FANCA: variants seen among roughly 807,000 people sequenced by gnomAD.
FANCA encodes FA complementation group A, also known as Fanconi anemia group A protein.
Under a neutral mutation model 194.3 loss-of-function variants are expected in FANCA, and 236 were observed. The ratio of observed to expected loss-of-function variants is 1.21; its 90% CI spans 1.09 to 1.35. The LOEUF (loss-of-function observed/expected upper bound fraction) is 1.35, where lower values mean the gene tolerates loss of function less well. Ranked by LOEUF, FANCA falls within the 40% of genes most tolerant of loss-of-function variation. FANCA has a pLI of 0.00. For missense variants in FANCA, 2,628 were observed against 1,813.9 expected (o/e 1.45, Z -8.15); for synonymous variants, 1,014 against 715.8 (o/e 1.42, Z -6.65).
chr16:89,811,193 G>A (rs1010543680), intron 3 of FANCA, 122 bp from the exon 4 acceptor site: 37 of 1,196,776 alleles, frequency 3.1e-5, no homozygotes, highest in Non-Finnish European at 1.8e-5. Context: ...CCTTTTAAAC[G>A]GGGAGAATAG....
intron 17 of FANCA, among the ~76,000 whole-genome samples, chr16:89,781,722 GGC>G: frequency 6.7e-6 from 1 of 148,576 alleles, no homozygotes; most frequent in East Asian, 2.0e-4. Context: ...TCATTAGGCC[GGC>G]CATGGTGGCT....
Position 89,737,781 on chromosome 16 carries a change from G to C in FANCA, c.*820C>G, listed in dbSNP as rs200396402. 3 of 1,614,008 alleles carry C rather than the reference G, an allele frequency of 1.9e-6. No individual in the cohort carries two copies. Among genetic ancestry groups the C allele is most frequent in the African/African-American group, 1.3e-5 (1 of 75,034 alleles). Reference sequence around the variant, plus strand: ...GGGAGGTTGGAGCATCAGGGGCCTGGACTCACTGGACTCTCCCCTCTCAGA... The same window carrying C: ...GGGAGGTTGGAGCATCAGGGGCCTGCACTCACTGGACTCTCCCCTCTCAGA... On this transcript the variant is annotated 3_prime_UTR_variant, in exon 43 of 43. Coordinates refer to ENST00000389301, the MANE Select transcript of FANCA (RefSeq NM_000135.4).
chr16:89,760,050 C>T (rs2038900761), intron 29 of FANCA, among the ~76,000 whole-genome samples: 2 of 152,268 alleles, frequency 1.3e-5, no homozygotes, highest in South Asian at 4.1e-4. Flanking sequence ...CTGTCTGGAA[C>T]TGGCACAGAA....
intron 20 of FANCA, among the ~76,000 whole-genome samples, chr16:89,776,270 C>G (rs1472445424): frequency 6.8e-6 from 1 of 147,710 alleles, no homozygotes; most frequent in Non-Finnish European, 1.5e-5. Flanking sequence ...CAGGTTCAAG[C>G]AATTCTCCTG....
At chr16:89,806,208 T>C (rs907212207) in intron 6 of FANCA, among the ~76,000 whole-genome samples, 2 of 152,176 alleles carry the variant, frequency 1.3e-5, no homozygotes, top group African/African-American at 4.8e-5. Flanking sequence ...CCACCGCACC[T>C]GGCCTTGGCC....
intron 31 of FANCA, among the ~76,000 whole-genome samples, chr16:89,751,119 C>A (rs2038573598): frequency 6.6e-6 from 1 of 152,154 alleles, no homozygotes; most frequent in African/African-American, 2.4e-5. Context: ...TCTTGAGCCC[C>A]TGACCTCAAG....
chr16:89,787,445 C>G (rs751337027), intron 14 of FANCA, among the ~76,000 whole-genome samples: 16 of 152,070 alleles, frequency 1.1e-4, no homozygotes, highest in Non-Finnish European at 2.1e-4. Context: ...ATGGCGTGAA[C>G]CCGGGAGGTG....
intron 3 of FANCA, among the ~76,000 whole-genome samples, chr16:89,814,091 G>C (rs907700374): frequency 2.6e-5 from 4 of 152,142 alleles, no homozygotes; most frequent in African/African-American, 9.7e-5. Flanking sequence ...AGGACGTGAA[G>C]GATCAGAAAA....
rs55743951 is a variant in FANCA, at chr16:89,805,471, A to G, written c.597-79T>C. 5.0e-5 allele frequency: 54 copies of G among 1,084,186 alleles called. No homozygotes were observed. The East Asian group carries it at 1.2e-3, about 24-fold the overall frequency. 67.2% of individuals were successfully genotyped at this position (1,084,186 alleles called of 1,614,324 possible). On this transcript the variant is annotated intron_variant, in intron 6 of 42. Coordinates refer to ENST00000389301, the MANE Select transcript of FANCA (RefSeq NM_000135.4). ...GGATTGAGTTGAGCCATATGTCCCA[A>G]TTTTTTTTTTGAGACAGTTTTTTGC...
At chr16:89,760,908 G>A (rs1047947963) in intron 29 of FANCA, among the ~76,000 whole-genome samples, 2 of 152,132 alleles carry the variant, frequency 1.3e-5, no homozygotes, top group Non-Finnish European at 2.9e-5. Flanking sequence ...GGACACAGGT[G>A]TACAGCTCCC....
intron 23 of FANCA, 25 bp from the exon 24 acceptor site, chr16:89,770,659 C>T (rs183153766): frequency 3.8e-6 from 6 of 1,585,598 alleles, no homozygotes; most frequent in South Asian, 1.1e-5. Flanking sequence ...TTCTCATGAG[C>T]GTGGTGTCCT....
intron 23 of FANCA, 131 bp downstream of exon 23, chr16:89,771,547 C>G (rs2039325842): frequency 9.6e-7 from 1 of 1,045,786 alleles, no homozygotes; most frequent in Admixed American, 1.9e-5. Flanking sequence ...GCTGCCTGGC[C>G]CTGGAACATC....
At chr16:89,780,635 A>C (rs897711426) in intron 17 of FANCA, among the ~76,000 whole-genome samples, 5 of 152,014 alleles carry the variant, frequency 3.3e-5, no homozygotes, top group South Asian at 2.1e-4. Flanking sequence ...AAAAAAAAAA[A>C]AAACATTCTG....
At chr16:89,773,218 C>G (rs866326268) in intron 22 of FANCA, 53 bp downstream of exon 22, 1 of 1,411,434 alleles carries the variant, frequency 7.1e-7, no homozygotes, top group Non-Finnish European at 9.8e-7. Flanking sequence ...CCACAGAGCT[C>G]CAACCACAGG....
intron 29 of FANCA, 123 bp from the exon 30 acceptor site, chr16:89,758,828 C>CGG: frequency 4.1e-6 from 6 of 1,463,224 alleles, no homozygotes; most frequent in Non-Finnish European, 5.6e-6. Context: ...TTGAGACTGG[C>CGG]GGCTCGGGAC....
chr16:89,800,067 A>G (rs1401321417), intron 8 of FANCA, among the ~76,000 whole-genome samples: 1 of 152,256 alleles, frequency 6.6e-6, no homozygotes, highest in Non-Finnish European at 1.5e-5. Context: ...AAATTACTCC[A>G]GTACCGAAGG....
chr16:89,786,750 G>A (rs1302682034), intron 14 of FANCA, among the ~76,000 whole-genome samples: 2 of 152,190 alleles, frequency 1.3e-5, no homozygotes, highest in Admixed American at 1.3e-4. Flanking sequence ...AAAGCTCAGA[G>A]ACATGAACTG....
chr16:89,771,358 C>T (rs1024286347), intron 23 of FANCA, among the ~76,000 whole-genome samples: 2 of 151,422 alleles, frequency 1.3e-5, no homozygotes, highest in African/African-American at 4.9e-5. Context: ...ACTCGGGAGG[C>T]TGAGACAAGA....
intron 3 of FANCA, among the ~76,000 whole-genome samples, chr16:89,812,074 G>A (rs1277097310): frequency 2.0e-5 from 3 of 149,880 alleles, no homozygotes; most frequent in Non-Finnish European, 3.0e-5. Flanking sequence ...GGTGGCTCAC[G>A]CCTGTAATCC....
Sources: gnomAD v4.1 joint callset for allele counts (sites outside exome capture counted in the v4.1 genomes callset) on GRCh38, gnomAD v4.1.1 for gene constraint, MANE v1.5 for transcripts, NCBI Gene and HGNC (gene_info 2026-07-23, HGNC 2026-07-21) for gene names.